WASF1: variants seen among roughly 807,000 people sequenced by gnomAD.
WASF1 encodes the protein actin-binding protein WASF1.
Under a neutral mutation model 50.5 loss-of-function variants are expected in WASF1, and 7 were observed. The ratio of observed to expected loss-of-function variants is 0.14; its 90% confidence interval spans 0.08 to 0.26. WASF1 has a LOEUF of 0.26. Ranked by LOEUF, WASF1 falls within the 10% of genes least tolerant of loss-of-function variation. The probability of loss-of-function intolerance (pLI) is 1.00; values close to 1 mark genes in which losing one functional copy is unlikely to be tolerated. For synonymous variants in WASF1, 205 were observed against 244.0 expected, an observed-to-expected ratio of 0.84 and a Z score of 1.49; for missense variants, 470 against 694.7, an observed-to-expected ratio of 0.68 and a Z score of 3.64.
At chr6:110,108,187 T>C (rs1266282422) in intron 6 of WASF1, among the ~76,000 whole-genome samples, 3 of 144,614 alleles carry the variant, frequency 2.1e-5, no homozygotes, top group Non-Finnish European at 3.0e-5. Flanking sequence ...GCAAAAATTA[T>C]GTTTATTTTG....
At chr6:110,170,003 T>C (rs1776636359) in intron 2 of WASF1, among the ~76,000 whole-genome samples, 1 of 151,982 alleles carries the variant, frequency 6.6e-6, no homozygotes, top group Non-Finnish European at 1.5e-5. Flanking sequence ...AAGAAAAATT[T>C]TGAAAGACAG....
At chr6:110,150,231 C>A (rs1180409092) in intron 3 of WASF1, among the ~76,000 whole-genome samples, 2 of 152,058 alleles carry the variant, frequency 1.3e-5, no homozygotes, top group Non-Finnish European at 2.9e-5. Context: ...AGCTTCACCA[C>A]CCAGCAGCTT....
At chr6:110,145,261 G>A (rs1011041771) in intron 3 of WASF1, among the ~76,000 whole-genome samples, 11 of 152,098 alleles carry the variant, frequency 7.2e-5, no homozygotes, top group African/African-American at 2.7e-4. Flanking sequence ...CTCTCTGTTT[G>A]TCTGTTATTG....
chr6:110,128,746 G>T (rs1035830965), intron 3 of WASF1, among the ~76,000 whole-genome samples: 5 of 152,252 alleles, frequency 3.3e-5, no homozygotes, highest in South Asian at 4.1e-4. Flanking sequence ...GACCAGTAAC[G>T]GTCAGTGGCC....
At chr6:110,112,337 G>C (rs1157764834) in intron 5 of WASF1, among the ~76,000 whole-genome samples, 1 of 151,720 alleles carries the variant, frequency 6.6e-6, no homozygotes, top group Non-Finnish European at 1.5e-5. Context: ...TCTTAGTATT[G>C]CATTTCTTTT....
At chr6:110,105,288 T>C in intron 8 of WASF1, 119 bp downstream of exon 8, 1 of 1,084,658 alleles carries the variant, frequency 9.2e-7, no homozygotes. Context: ...TGAAATAATC[T>C]CTATATTTAT....
intron 9 of WASF1, 74 bp downstream of exon 9, chr6:110,103,304 C>T: frequency 6.7e-7 from 1 of 1,487,410 alleles, no homozygotes. Context: ...GCCAAAAATA[C>T]TTACTATATC....
At chr6:110,122,287 T>C (rs557734333) in intron 4 of WASF1, among the ~76,000 whole-genome samples, 4 of 146,776 alleles carry the variant, frequency 2.7e-5, no homozygotes, top group East Asian at 2.0e-4. Context: ...AGAAAACAAA[T>C]TGACATTAGA....
At chr6:110,125,820 A>G (rs1774393490) in intron 4 of WASF1, among the ~76,000 whole-genome samples, 2 of 152,210 alleles carry the variant, frequency 1.3e-5, no homozygotes, top group Admixed American at 1.3e-4. Flanking sequence ...CAAGGTATTT[A>G]TAATTTTCAG....
intron 3 of WASF1, among the ~76,000 whole-genome samples, chr6:110,139,702 T>C (rs1046506560): frequency 2.0e-5 from 3 of 152,158 alleles, no homozygotes; most frequent in African/African-American, 4.8e-5. Flanking sequence ...GCTTTAAGAA[T>C]AGAGCAGATC....
intron 3 of WASF1, among the ~76,000 whole-genome samples, chr6:110,130,865 A>G (rs1400814404): frequency 3.3e-5 from 5 of 152,228 alleles, no homozygotes; most frequent in African/African-American, 1.2e-4. Context: ...TGACACTGTC[A>G]GTTTTTAAAT....
chr6:110,116,146 A>C (rs1321898733), intron 4 of WASF1, among the ~76,000 whole-genome samples: 2 of 152,140 alleles, frequency 1.3e-5, no homozygotes, highest in Non-Finnish European at 2.9e-5. Context: ...TGCATTTCCA[A>C]CTGAGGTACC....
At chr6:110,126,272 A>G (rs1774412982) in intron 4 of WASF1, among the ~76,000 whole-genome samples, 1 of 152,146 alleles carries the variant, frequency 6.6e-6, no homozygotes. Flanking sequence ...TTTTTTTATT[A>G]GCCTCAAGTA....
chr6:110,174,416 A>T lies in WASF1; in HGVS notation c.-127+4182T>A, dbSNP rs111596458. 5.5e-3 allele frequency among the ~76,000 whole-genome samples: 840 copies of T among 152,312 alleles called. 12 individuals are homozygous for T. The highest frequency in any genetic ancestry group is 0.02 in the African/African-American group (814 of 41,564). The stretch of plus-strand genomic sequence containing the variant: ...ATGTGCTGATTATGAACTATGAATC[A>T]CTGGTTTAACAAGGGGGACCCACTA... On this transcript the variant is annotated intron_variant, in intron 2 of 10. Transcript: ENST00000392589.
chr6:110,170,381 C>A (rs1017632042), intron 2 of WASF1, among the ~76,000 whole-genome samples: 2 of 152,044 alleles, frequency 1.3e-5, no homozygotes, highest in Non-Finnish European at 2.9e-5. Flanking sequence ...TGTGACCACA[C>A]CTGGCTAATT....
intron 3 of WASF1, among the ~76,000 whole-genome samples, chr6:110,143,214 A>C (rs184898029): frequency 5.9e-5 from 9 of 152,126 alleles, no homozygotes; most frequent in African/African-American, 1.9e-4. Flanking sequence ...TTTTAACATT[A>C]AAAATAAAAT....
At position 110,105,183 on chromosome 6, in the gene WASF1, C is replaced by G. The variant is rs190742313; in HGVS notation, c.713+224G>C. On this transcript the variant is annotated intron_variant, in intron 8 of 10. Transcript: ENST00000392589. The stretch of plus-strand genomic sequence containing the variant: ...CTAAAACCCTAAAGATCAGCCACTC[C>G]AACCACTTCTTTCTAAGATGACAAA... Among the ~76,000 whole-genome samples, 8 of 152,204 alleles carry G rather than the reference C, an allele frequency of 5.3e-5. No individual in the cohort carries two copies. The East Asian group carries it at 1.4e-3, about 26-fold the overall frequency.
intron 3 of WASF1, among the ~76,000 whole-genome samples, chr6:110,152,978 G>C (rs757625749): frequency 5.3e-5 from 8 of 152,094 alleles, no homozygotes; most frequent in Non-Finnish European, 1.0e-4. Flanking sequence ...TATATAAATG[G>C]ATTCACAGAG....
At chr6:110,161,586 A>G (rs1262044293) in intron 2 of WASF1, among the ~76,000 whole-genome samples, 1 of 151,578 alleles carries the variant, frequency 6.6e-6, no homozygotes, top group Non-Finnish European at 1.5e-5. Flanking sequence ...ATCGCACTGT[A>G]TTATGTTTTC....
Sources: gnomAD v4.1 joint callset for allele counts (sites outside exome capture counted in the v4.1 genomes callset) on GRCh38, gnomAD v4.1.1 for gene constraint, MANE v1.5 for transcripts, NCBI Gene and HGNC (gene_info 2026-07-23, HGNC 2026-07-21) for gene names.